Variants in CR1 observed in about 807,000 individuals in gnomAD.
CR1 encodes the protein complement receptor type 1.
CR1 carries 116 observed loss-of-function variants against 187.3 expected under a neutral mutation model. The ratio of observed to expected loss-of-function variants is 0.62; its 90% CI spans 0.53 to 0.72. The LOEUF is 0.72. CR1 is among the 30% of genes least tolerant of loss of function. The pLI, the probability that CR1 is intolerant of heterozygous loss-of-function variation, is 0.00. For synonymous variants in CR1, 576 were observed against 747.1 expected (o/e 0.77, Z 3.73); for missense variants, 1,731 against 2,110.7 (o/e 0.82, Z 3.52).
chr1:207,602,706 TAG>T (rs202160706), intron 35 of CR1, among the ~76,000 whole-genome samples: 2 of 151,706 alleles, frequency 1.3e-5, no homozygotes, highest in African/African-American at 2.4e-5. Context: ...TAGATATAGA[TAG>T]AGAGAGAGAG....
rs374023140 is a variant in CR1, at chr1:207,611,669, T to A, written c.6296-8T>A. ...CTAACAAGTGCTCTGGAACTGTCCTTTCCACAGTGTGTCAGCCGCCTCCAG... is the reference window on the plus strand; with the variant it reads ...CTAACAAGTGCTCTGGAACTGTCCTATCCACAGTGTGTCAGCCGCCTCCAG... On this transcript the variant is annotated splice_region_variant and splice_polypyrimidine_tract_variant and intron_variant, in intron 37 of 46. Transcript: ENST00000367049. 5.6e-6 allele frequency: 9 copies of A among 1,613,662 alleles called. No homozygotes were observed. Among genetic ancestry groups the A allele is most frequent in the Non-Finnish European group, 7.6e-6 (9 of 1,179,660 alleles).
At chr1:207,581,169 T>TATAC (rs1477585441) in intron 31 of CR1, among the ~76,000 whole-genome samples, 40 of 151,108 alleles carry the variant, frequency 2.6e-4, no homozygotes, top group African/African-American at 9.9e-4. Flanking sequence ...CATGTACATG[T>TATAC]GTATACATAT....
chr1:207,638,365 C>A (rs1045800151), intron 46 of CR1, among the ~76,000 whole-genome samples: 1 of 152,214 alleles, frequency 6.6e-6, no homozygotes, highest in Non-Finnish European at 1.5e-5. Context: ...TGGCCCTAAA[C>A]AATGTAAAAT....
chr1:207,630,703 C>T, intron 46 of CR1, 82 bp downstream of exon 46: 1 of 907,184 alleles, frequency 1.1e-6, no homozygotes, highest in Non-Finnish European at 1.6e-6. Flanking sequence ...TATGATATTG[C>T]ACTAGGTAGG....
intron 40 of CR1, among the ~76,000 whole-genome samples, chr1:207,616,023 G>A (rs1328416741): frequency 6.6e-6 from 1 of 152,132 alleles, no homozygotes; most frequent in East Asian, 1.9e-4. Context: ...AATCAAAAAA[G>A]GCTCTTTGGC....
At chr1:207,621,869 T>C in intron 43 of CR1, 104 bp from the exon 44 acceptor site, 1 of 852,940 alleles carries the variant, frequency 1.2e-6, no homozygotes, top group Non-Finnish European at 1.8e-6. Flanking sequence ...AATATTAGAC[T>C]GAGTCCTGAA....
At chr1:207,598,421 C>CTTTTTT (rs11392366) in intron 35 of CR1, among the ~76,000 whole-genome samples, 13 of 148,604 alleles carry the variant, frequency 8.7e-5, no homozygotes, top group Non-Finnish European at 1.6e-4. Flanking sequence ...AAGACAAGAA[C>CTTTTTT]TTTTTTTTTT....
At chr1:207,502,585 C>T (rs1659305222) in intron 1 of CR1, among the ~76,000 whole-genome samples, 1 of 152,190 alleles carries the variant, frequency 6.6e-6, no homozygotes, top group African/African-American at 2.4e-5. Context: ...AAGGGCCACA[C>T]CTTGGTGAGG....
chr1:207,631,956 G>GA (rs1371352861), intron 46 of CR1, among the ~76,000 whole-genome samples: 1 of 152,144 alleles, frequency 6.6e-6, no homozygotes, highest in Non-Finnish European at 1.5e-5. Flanking sequence ...ACATACATCA[G>GA]AAATCCTAAA....
In CR1 at chr1:207,609,558, C is replaced by A; in HGVS notation, c.6165C>A (p.Asn2055Lys). 6.2e-7 allele frequency: 1 copy of A among 1,613,874 alleles called. No individual in the cohort carries two copies. Among genetic ancestry groups the A allele is most frequent in the Non-Finnish European group, 8.5e-7 (1 of 1,179,850 alleles). ...AAAATGCAATTAGAGTACCAGGAAA[C>A]AGGAGTTTCTTTACCCTCACTGAGA... is the stretch of plus-strand genomic sequence containing the variant. ...EVENAIRVPG[N>K]RSFFTLTEII... The change falls in exon 37 of 47, where the codon AAC becomes AAA. Residue 2055 changes from asparagine (N) to lysine (K), a missense_variant. Physicochemically the swap from Asn to Lys is moderately conservative, Grantham distance 94. Transcript: ENST00000367049.
rs185130813 is a variant in CR1, at chr1:207,595,000, G to C, written c.5810+6226G>C. Among the ~76,000 whole-genome samples the C allele has an allele frequency of 1.8e-3, 275 of 152,240 alleles. 1 individual carries two copies. Among genetic ancestry groups the C allele is most frequent in the African/African-American group, 6.1e-3 (254 of 41,532 alleles). On this transcript the variant is annotated intron_variant, in intron 35 of 46. Transcript: ENST00000367049. ...CTTTAAAAATCTCTCATATGTGTTT[G>C]TAACATAGAATCGATGGAACTATAT... is the stretch of plus-strand genomic sequence containing the variant.
chr1:207,626,047 C>T (rs1485542776), intron 45 of CR1, among the ~76,000 whole-genome samples: 3 of 152,178 alleles, frequency 2.0e-5, no homozygotes, highest in African/African-American at 7.2e-5. Flanking sequence ...TAGGAAGAGA[C>T]TGTTATTATC....
intron 4 of CR1, among the ~76,000 whole-genome samples, chr1:207,515,419 T>C (rs1054216055): frequency 2.0e-5 from 3 of 151,790 alleles, no homozygotes; most frequent in Non-Finnish European, 4.4e-5. Context: ...GATTAAGATA[T>C]AGAACATTAT....
intron 46 of CR1, among the ~76,000 whole-genome samples, chr1:207,638,472 A>G (rs1445260177): frequency 6.6e-6 from 1 of 152,192 alleles, no homozygotes; most frequent in Non-Finnish European, 1.5e-5. Flanking sequence ...ATTTAAAGCA[A>G]TGATAGAGAC....
chr1:207,497,328 C>G (rs1659119788), intron 1 of CR1, among the ~76,000 whole-genome samples: 1 of 152,144 alleles, frequency 6.6e-6, no homozygotes, highest in South Asian at 2.1e-4. Flanking sequence ...TAGAACCCTT[C>G]TATTATTATT....
intron 41 of CR1, among the ~76,000 whole-genome samples, chr1:207,617,507 A>ATATATATATATATATATATATATATGTG (rs1332301171): frequency 1.3e-4 from 6 of 47,020 alleles, no homozygotes; most frequent in East Asian, 4.6e-4. Context: ...ATATATATAT[A>ATATATATATATATATATATATATATGTG]TGTGTGTGTG....
chr1:207,564,731 G>A (rs1170735610), intron 23 of CR1, among the ~76,000 whole-genome samples: 2 of 149,868 alleles, frequency 1.3e-5, no homozygotes, highest in Admixed American at 6.6e-5. Flanking sequence ...AACCTGGGAG[G>A]TGGAGTTTGC....
chr1:207,581,822 A>T, intron 31 of CR1, 96 bp from the exon 32 acceptor site: 1 of 817,430 alleles, frequency 1.2e-6, no homozygotes, highest in Non-Finnish European at 2.1e-6. Flanking sequence ...TAAAATGTTA[A>T]TTAACTTAGG....
intron 29 of CR1, among the ~76,000 whole-genome samples, chr1:207,579,205 T>G (rs601356): frequency 0.4 from 60,245 of 152,086 alleles, 16,272 homozygotes; most frequent in African/African-American, 0.76. Context: ...TCTTATTTAA[T>G]GGCTTGTGTT....
Sources: gnomAD v4.1 joint callset for allele counts (sites outside exome capture counted in the v4.1 genomes callset) on GRCh38, gnomAD v4.1.1 for gene constraint, MANE v1.5 for transcripts, NCBI Gene and HGNC (gene_info 2026-07-23, HGNC 2026-07-21) for gene names.